TBC1D32: variants seen among roughly 807,000 people sequenced by gnomAD.
The protein encoded by TBC1D32 is protein broad-minded.
In TBC1D32, 151 loss-of-function variants were observed where a neutral mutation model predicts 170.3. The observed-to-expected ratio is 0.89, with a 90% CI of 0.78 to 1.01. The LOEUF (loss-of-function observed/expected upper bound fraction) is 1.01. TBC1D32 is among the 50% of genes least tolerant of loss of function. The pLI is 0.00. For missense variants in TBC1D32, 1,464 were observed against 1,457.1 expected (o/e 1.00, Z -0.08); for synonymous variants, 498 against 488.0 (o/e 1.02, Z -0.27).
At position 121,127,018 on chromosome 6, in the gene TBC1D32, A is replaced by G. The variant is rs1216352556; in HGVS notation, c.2900-557T>C. The stretch of plus-strand genomic sequence containing the variant: ...TAATGCCACTAGGCTTGCATCTAAT[A>G]CCCCTGAAATGGATATAAACAGGTA... On this transcript the variant is annotated intron_variant, in intron 25 of 31. Coordinates refer to ENST00000398212, the MANE Select transcript of TBC1D32 (RefSeq NM_152730.6). 2.0e-5 allele frequency among the ~76,000 whole-genome samples: 3 copies of G among 152,138 alleles called. 1 individual carries two copies. Among genetic ancestry groups the G allele is most frequent in the African/African-American group, 7.2e-5 (3 of 41,446 alleles).
At position 121,131,632 on chromosome 6, in the gene TBC1D32, C is replaced by T. The variant is rs779259082; in HGVS notation, c.2894G>A (p.Gly965Glu). The change falls in exon 25 of 32, where the codon GGA (glycine) becomes GAA (glutamate). Residue 965 changes from glycine (G) to glutamate (E), a missense_variant. Gly to Glu is a moderately conservative substitution (Grantham distance 98). Transcript: ENST00000398212. The stretch of plus-strand genomic sequence containing the variant: ...AATGGAAACAATGTACTTACCCTCT[C>T]CACTGATTATATCAGGTTTGGCTTT... Reference protein sequence around the residue: ...MMKAKPDIISGEALIELLEKF... With the variant: ...MMKAKPDIISEEALIELLEKF... The T allele has an allele frequency of 1.2e-6, 2 of 1,610,536 alleles. No homozygotes were observed. The highest frequency in any genetic ancestry group is 3.3e-5 in the Admixed American group (2 of 59,934).
At chr6:121,140,086 C>T (rs969122209) in intron 24 of TBC1D32, among the ~76,000 whole-genome samples, 2 of 151,944 alleles carry the variant, frequency 1.3e-5, no homozygotes, top group African/African-American at 4.8e-5. Flanking sequence ...AATACAGATG[C>T]AATATAGTGG....
intron 1 of TBC1D32, among the ~76,000 whole-genome samples, chr6:121,326,758 G>T (rs1312493063): frequency 6.6e-6 from 1 of 150,534 alleles, no homozygotes; most frequent in Admixed American, 6.6e-5. Flanking sequence ...CTTTTCAAAA[G>T]AATCTTCTAG....
chr6:121,090,331 C>A (rs1042851080), intron 31 of TBC1D32, among the ~76,000 whole-genome samples: 8 of 152,314 alleles, frequency 5.3e-5, no homozygotes, highest in African/African-American at 1.9e-4. Flanking sequence ...AAGTCCCCAA[C>A]TTCCAAAATG....
chr6:121,264,041 A>G (rs1192199569), intron 15 of TBC1D32, among the ~76,000 whole-genome samples: 1 of 152,008 alleles, frequency 6.6e-6, no homozygotes, highest in Non-Finnish European at 1.5e-5. Context: ...GCGAATCAAG[A>G]GCAAACAAAT....
chr6:121,294,459 A>G (rs574137825), intron 11 of TBC1D32, 111 bp downstream of exon 11: 1 of 687,754 alleles, frequency 1.5e-6, no homozygotes, highest in African/African-American at 1.9e-5. Context: ...AGTAAAAGTG[A>G]CCTAATTTAC....
At chr6:121,274,128 G>A (rs1801897666) in intron 15 of TBC1D32, among the ~76,000 whole-genome samples, 1 of 151,964 alleles carries the variant, frequency 6.6e-6, no homozygotes, top group African/African-American at 2.4e-5. Context: ...AGGTCGGGAG[G>A]TGGAGACCAG....
intron 15 of TBC1D32, among the ~76,000 whole-genome samples, chr6:121,277,968 A>C (rs1015104536): frequency 2.0e-5 from 3 of 152,068 alleles, no homozygotes; most frequent in Non-Finnish European, 4.4e-5. Context: ...CAGGATAAGG[A>C]AATATTATGA....
chr6:121,332,665 TGGA>T (rs1811363575), intron 1 of TBC1D32, among the ~76,000 whole-genome samples: 1 of 152,170 alleles, frequency 6.6e-6, no homozygotes, highest in Non-Finnish European at 1.5e-5. Context: ...ATGCTTTATG[TGGA>T]TGTGTGTGAG....
chr6:121,156,440 T>C (rs554913633), intron 24 of TBC1D32, among the ~76,000 whole-genome samples: 1 of 152,100 alleles, frequency 6.6e-6, no homozygotes, highest in East Asian at 1.9e-4. Flanking sequence ...GCAGTCTATC[T>C]ATCTTGTTTT....
chr6:121,162,547 A>G (rs1336558465), intron 22 of TBC1D32, among the ~76,000 whole-genome samples: 1 of 152,186 alleles, frequency 6.6e-6, no homozygotes. Context: ...TGGAAATTCT[A>G]GCCAGGGCAA....
rs555418149 is a variant in TBC1D32, at chr6:121,233,051, T to A, written c.2364+6019A>T. Among the ~76,000 whole-genome samples the A allele has an allele frequency of 8.5e-5, 13 of 152,272 alleles. No individual in the cohort carries two copies. In the South Asian group the frequency reaches 2.5e-3, roughly 29 times the overall value. ...CTTTTGAAGTTAATATCCAATTTTA[T>A]TCCACTGTGGTCTGAGAGAGTACCT... On this transcript the variant is annotated intron_variant, in intron 20 of 31. Transcript: ENST00000398212.
chr6:121,093,271 T>C (rs998008479), intron 30 of TBC1D32, among the ~76,000 whole-genome samples: 2 of 152,128 alleles, frequency 1.3e-5, no homozygotes, highest in Non-Finnish European at 2.9e-5. Context: ...CCCTGTAATA[T>C]GGCTCTAGTG....
At chr6:121,322,171 C>T (rs73528510) in intron 1 of TBC1D32, among the ~76,000 whole-genome samples, 3,113 of 152,194 alleles carry the variant, frequency 0.02, 113 homozygotes, top group African/African-American at 0.069. Flanking sequence ...ATCTAGAATA[C>T]AGTAATCATG....
intron 21 of TBC1D32, among the ~76,000 whole-genome samples, chr6:121,212,004 C>T (rs1316137348): frequency 1.3e-5 from 2 of 151,634 alleles, no homozygotes; most frequent in Non-Finnish European, 2.9e-5. Context: ...AACACACACA[C>T]ACACACACAC....
chr6:121,288,162 C>G (rs1477175780), intron 12 of TBC1D32, among the ~76,000 whole-genome samples: 3 of 152,020 alleles, frequency 2.0e-5, no homozygotes, highest in Non-Finnish European at 4.4e-5. Flanking sequence ...CAGGGCAGAA[C>G]TGAAGGAAAT....
At chr6:121,245,803 A>G (rs745833887) in intron 17 of TBC1D32, among the ~76,000 whole-genome samples, 5 of 152,032 alleles carry the variant, frequency 3.3e-5, no homozygotes, top group African/African-American at 4.8e-5. Flanking sequence ...TGAAACATCA[A>G]CATTCCCACA....
chr6:121,278,142 C>T (rs1182378460), intron 15 of TBC1D32, among the ~76,000 whole-genome samples: 1 of 151,904 alleles, frequency 6.6e-6, no homozygotes, highest in Non-Finnish European at 1.5e-5. Context: ...TAGAAAACAC[C>T]AGGCTAAAAT....
chr6:121,186,926 CAA>C (rs35113763), intron 22 of TBC1D32, among the ~76,000 whole-genome samples: 110,602 of 151,674 alleles, frequency 0.73, 44,004 homozygotes, highest in Non-Finnish European at 0.89. Context: ...TCAAAATATT[CAA>C]AGAGCTTAGA....
Sources: gnomAD v4.1 joint callset for allele counts (sites outside exome capture counted in the v4.1 genomes callset) on GRCh38, gnomAD v4.1.1 for gene constraint, MANE v1.5 for transcripts, NCBI Gene and HGNC (gene_info 2026-07-23, HGNC 2026-07-21) for gene names.